STK31: variants seen among roughly 807,000 people sequenced by gnomAD.
STK31 encodes the protein serine/threonine-protein kinase 31.
In STK31, 89 loss-of-function variants were observed where a neutral mutation model predicts 129.7. The ratio of observed to expected loss-of-function variants is 0.69; its 90% CI spans 0.58 to 0.82. The LOEUF (loss-of-function observed/expected upper bound fraction) is 0.82. Ranked by LOEUF, STK31 falls within the 40% of genes least tolerant of loss-of-function variation. The probability of loss-of-function intolerance (pLI) is 0.00; values close to 1 mark genes in which losing one functional copy is unlikely to be tolerated. For missense variants in STK31, 1,187 were observed against 1,176.4 expected (o/e 1.01, Z -0.13); for synonymous variants, 448 against 395.3 (o/e 1.13, Z -1.58).
At chr7:23,747,464 G>T (rs561308986) in intron 8 of STK31, among the ~76,000 whole-genome samples, 3 of 152,198 alleles carry the variant, frequency 2.0e-5, no homozygotes, top group Non-Finnish European at 4.4e-5. Context: ...CCACCTCCTG[G>T]GTTCACGCCA....
chr7:23,797,181 C>G (rs1436011055), intron 22 of STK31, among the ~76,000 whole-genome samples: 1 of 151,480 alleles, frequency 6.6e-6, no homozygotes, highest in African/African-American at 2.4e-5. Context: ...CTTTAACACC[C>G]CACCGTCAAT....
At chr7:23,809,625 G>A (rs1562622206) in intron 22 of STK31, among the ~76,000 whole-genome samples, 1 of 152,078 alleles carries the variant, frequency 6.6e-6, no homozygotes, top group Non-Finnish European at 1.5e-5. Context: ...TATTAATAGT[G>A]TATTTTTCCA....
intron 22 of STK31, among the ~76,000 whole-genome samples, chr7:23,804,816 C>A (rs73084758): frequency 0.16 from 23,801 of 151,994 alleles, 1,870 homozygotes; most frequent in East Asian, 0.22. Flanking sequence ...ACAGGATTTC[C>A]TGTCCTCTCA....
At chr7:23,793,597 A>G (rs1453169276) in intron 22 of STK31, among the ~76,000 whole-genome samples, 1 of 152,242 alleles carries the variant, frequency 6.6e-6, no homozygotes, top group Non-Finnish European at 1.5e-5. Flanking sequence ...ACTTTACCAA[A>G]GAAGGTGTCC....
At chr7:23,820,783 T>C (rs1793745769) in intron 23 of STK31, among the ~76,000 whole-genome samples, 1 of 152,238 alleles carries the variant, frequency 6.6e-6, no homozygotes, top group South Asian at 2.1e-4. Flanking sequence ...TATTTGTCTT[T>C]CTGTGCCTGG....
chr7:23,721,237 A>G (rs946293512), intron 4 of STK31: 6 of 453,412 alleles, frequency 1.3e-5, no homozygotes, highest in East Asian at 1.1e-4. Flanking sequence ...TCTCTCTCTT[A>G]ACTCCTAACA....
intron 22 of STK31, among the ~76,000 whole-genome samples, chr7:23,796,590 A>G (rs1162411346): frequency 6.6e-6 from 1 of 152,134 alleles, no homozygotes; most frequent in African/African-American, 2.4e-5. Context: ...ACACCTATAG[A>G]TTAGTGTAAT....
intron 23 of STK31, among the ~76,000 whole-genome samples, chr7:23,829,133 A>G (rs1768743666): frequency 6.7e-6 from 1 of 148,932 alleles, no homozygotes; most frequent in Admixed American, 6.7e-5. Context: ...CTGATCTTGA[A>G]CTCCTGACCT....
At chr7:23,720,281 T>C (rs1786612734) in intron 4 of STK31, among the ~76,000 whole-genome samples, 2 of 152,166 alleles carry the variant, frequency 1.3e-5, no homozygotes, top group Admixed American at 1.3e-4. Context: ...ATATTTCTTA[T>C]ACTAGAAAGA....
At chr7:23,766,308 G>A (rs1789824281) in intron 11 of STK31, among the ~76,000 whole-genome samples, 1 of 151,894 alleles carries the variant, frequency 6.6e-6, no homozygotes, top group Non-Finnish European at 1.5e-5. Context: ...TTTCACCCAG[G>A]CTGGAGTGCA....
chr7:23,740,944 A>T (rs992233462), intron 8 of STK31, among the ~76,000 whole-genome samples: 4 of 152,186 alleles, frequency 2.6e-5, no homozygotes, highest in African/African-American at 4.8e-5. Flanking sequence ...TTCCCTTTAT[A>T]TGTACATGTT....
intron 15 of STK31, among the ~76,000 whole-genome samples, 197 bp downstream of exon 15, chr7:23,772,475 A>G (rs1249115884): frequency 3.9e-5 from 6 of 152,116 alleles, no homozygotes; most frequent in Admixed American, 1.3e-4. Flanking sequence ...AAATTTTCCT[A>G]TATCATTAAA....
intron 11 of STK31, among the ~76,000 whole-genome samples, chr7:23,768,586 G>A (rs1011720272): frequency 6.6e-6 from 1 of 152,094 alleles, no homozygotes; most frequent in Non-Finnish European, 1.5e-5. Flanking sequence ...GGTGGATGTT[G>A]AGAAATTACT....
intron 23 of STK31, 128 bp downstream of exon 23, chr7:23,815,340 GA>G: frequency 1.5e-6 from 1 of 661,008 alleles, no homozygotes; most frequent in South Asian, 2.8e-5. Flanking sequence ...ATGAAGTATT[GA>G]AAAAAATTCA....
intron 23 of STK31, among the ~76,000 whole-genome samples, chr7:23,816,355 T>A (rs1793471130): frequency 6.6e-6 from 1 of 152,164 alleles, no homozygotes; most frequent in African/African-American, 2.4e-5. Flanking sequence ...TGCTTTCAGG[T>A]TTGATAGAAA....
chr7:23,823,245 A>C (rs201625557), intron 23 of STK31, among the ~76,000 whole-genome samples: 15,045 of 151,980 alleles, frequency 0.099, 1,068 homozygotes, highest in African/African-American at 0.2. Flanking sequence ...TCTCCACATC[A>C]TCTCCAGCAC....
chr7:23,823,550 T>G (rs1490234413), intron 23 of STK31, among the ~76,000 whole-genome samples: 1 of 152,132 alleles, frequency 6.6e-6, no homozygotes, highest in African/African-American at 2.4e-5. Flanking sequence ...TGTAGGTTGC[T>G]TGTTCACTCT....
chr7:23,711,669 C>T (rs559153802), intron 1 of STK31, among the ~76,000 whole-genome samples: 44 of 152,068 alleles, frequency 2.9e-4, no homozygotes, highest in African/African-American at 9.9e-4. Flanking sequence ...TAGTAACCAC[C>T]GTGCCTTTTA....
chr7:23,795,808 G>T (rs983250975), intron 22 of STK31, among the ~76,000 whole-genome samples: 4 of 152,332 alleles, frequency 2.6e-5, no homozygotes, highest in South Asian at 2.1e-4. Context: ...TTTTGAATTT[G>T]CATGAGGCCT....
Sources: gnomAD v4.1 joint callset for allele counts (sites outside exome capture counted in the v4.1 genomes callset) on GRCh38, gnomAD v4.1.1 for gene constraint, MANE v1.5 for transcripts, NCBI Gene and HGNC (gene_info 2026-07-23, HGNC 2026-07-21) for gene names.